Variants in DNAH5 observed in about 807,000 individuals in gnomAD.
DNAH5 encodes the protein dynein axonemal heavy chain 5, also known as axonemal beta dynein heavy chain 5.
In DNAH5, 372 loss-of-function variants were observed where a neutral mutation model predicts 518.2. The observed-to-expected ratio is 0.72, with a 90% CI of 0.66 to 0.78. DNAH5 has a LOEUF of 0.78. Among genes scored for constraint, DNAH5 ranks in the 30% least tolerant of loss-of-function variants. DNAH5 has a pLI of 0.00. For missense variants in DNAH5, 5,523 were observed against 5,687.0 expected (o/e 0.97, Z 0.93); for synonymous variants, 2,039 against 2,025.9 (o/e 1.01, Z -0.17).
intron 75 of DNAH5, among the ~76,000 whole-genome samples, chr5:13,709,978 AG>A (rs1183740133): frequency 2.6e-5 from 4 of 152,124 alleles, no homozygotes; most frequent in Admixed American, 6.5e-5. Flanking sequence ...CTCTCTGGAA[AG>A]CACCACCTCC....
At chr5:13,955,274 T>C (rs2152040152) in intron 1 of DNAH5, among the ~76,000 whole-genome samples, 1 of 152,296 alleles carries the variant, frequency 6.6e-6, no homozygotes, top group Admixed American at 6.5e-5. Context: ...TCTGCCATGA[T>C]TGTAAGTTTC....
At chr5:13,893,177 T>G (rs986270076) in intron 16 of DNAH5, among the ~76,000 whole-genome samples, 1 of 152,192 alleles carries the variant, frequency 6.6e-6, no homozygotes, top group Admixed American at 6.5e-5. Context: ...ACAATTTACA[T>G]TATAAATGGA....
intron 3 of DNAH5, among the ~76,000 whole-genome samples, chr5:13,927,079 A>T (rs1378121236): frequency 3.9e-5 from 6 of 152,100 alleles, no homozygotes; most frequent in Admixed American, 1.3e-4. Flanking sequence ...TGTATATAAT[A>T]TTTTAATATA....
intron 1 of DNAH5, among the ~76,000 whole-genome samples, chr5:13,960,700 C>T (rs936990276): frequency 6.6e-6 from 1 of 152,230 alleles, no homozygotes; most frequent in Non-Finnish European, 1.5e-5. Flanking sequence ...CTGGCCAAGG[C>T]ACAGCCCGGC....
intron 1 of DNAH5, among the ~76,000 whole-genome samples, chr5:13,979,998 C>A (rs1234399340): frequency 6.6e-6 from 1 of 152,038 alleles, no homozygotes; most frequent in East Asian, 1.9e-4. Flanking sequence ...CACCACCACA[C>A]CTGGCTAATT....
chr5:13,712,862 A>C (rs1743685746), intron 75 of DNAH5, among the ~76,000 whole-genome samples: 1 of 152,164 alleles, frequency 6.6e-6, no homozygotes, highest in African/African-American at 2.4e-5. Flanking sequence ...GAACACTTCC[A>C]CACTGCTGGT....
At chr5:13,987,793 G>A (rs533232102) in intron 1 of DNAH5, among the ~76,000 whole-genome samples, 15 of 151,644 alleles carry the variant, frequency 9.9e-5, no homozygotes, top group African/African-American at 3.6e-4. Flanking sequence ...GGTGGAGATT[G>A]CAGCAAGCCA....
intron 12 of DNAH5, 139 bp from the exon 13 acceptor site, chr5:13,902,277 G>T: frequency 1.5e-6 from 1 of 672,772 alleles, no homozygotes; most frequent in Non-Finnish European, 2.5e-6. Flanking sequence ...GAGCTTAAAA[G>T]AAAAATAAAT....
At chr5:13,865,032 C>G (rs1354328922) in intron 27 of DNAH5, among the ~76,000 whole-genome samples, 2 of 116,456 alleles carry the variant, frequency 1.7e-5, no homozygotes, top group Non-Finnish European at 3.4e-5. Flanking sequence ...TTTTTTGAGA[C>G]GGAGTATAGC....
In DNAH5 at chr5:14,002,133, G is replaced by A. The variant is rs186699204; in HGVS notation, c.12+9515C>T. Among the ~76,000 whole-genome samples the A allele has an allele frequency of 1.7e-3, 254 of 148,582 alleles. 2 individuals are homozygous for A. In the East Asian group the frequency reaches 0.026, roughly 15 times the overall value. ...AGGATGGTCTCAATCTCCTGACCTC[G>A]TGATCCGCCTGCATCGGCCTCCCAA... On this transcript the variant is annotated intron_variant, in intron 1 of 78. Coordinates refer to the DNAH5 transcript ENST00000681290.
At chr5:13,778,595 A>AG (rs1491392267) in intron 53 of DNAH5, among the ~76,000 whole-genome samples, 2,712 of 66,760 alleles carry the variant, frequency 0.041, 105 homozygotes, top group Middle Eastern at 0.071. Context: ...AGAAAGAAAG[A>AG]AAGAGAGAGA....
intron 24 of DNAH5, among the ~76,000 whole-genome samples, chr5:13,868,702 T>A (rs1181647114): frequency 1.3e-5 from 2 of 152,188 alleles, no homozygotes; most frequent in Non-Finnish European, 2.9e-5. Flanking sequence ...TGCCTTTCTC[T>A]CTCTTCCCTC....
intron 7 of DNAH5, among the ~76,000 whole-genome samples, chr5:13,917,778 ATTGACTTCAC>A (rs1776803520): frequency 6.6e-6 from 1 of 152,216 alleles, no homozygotes; most frequent in Non-Finnish European, 1.5e-5. Flanking sequence ...AGTACATTCC[ATTGACTTCAC>A]GGAAGTCTGA....
chr5:13,810,034 C>T (rs755881964), intron 45 of DNAH5, 25 bp downstream of exon 45: 1 of 1,548,894 alleles, frequency 6.5e-7, no homozygotes, highest in Non-Finnish European at 8.7e-7. Flanking sequence ...CCATGGGTTC[C>T]GTCTGGACGG....
intron 29 of DNAH5, among the ~76,000 whole-genome samples, chr5:13,861,952 C>CAAAAAAAAAAAAAAAAAAAAAAAAA (rs59674964): frequency 2.0e-5 from 1 of 49,514 alleles, no homozygotes; most frequent in African/African-American, 9.9e-5. Context: ...GATTCCATCT[C>CAAAAAAAAAAAAAAAAAAAAAAAAA]AAAAAAAAAA....
intron 35 of DNAH5, among the ~76,000 whole-genome samples, chr5:13,836,301 A>C (rs1472803878): frequency 6.6e-6 from 1 of 152,176 alleles, no homozygotes; most frequent in Non-Finnish European, 1.5e-5. Context: ...TTTGGGAGAG[A>C]AGCCCTGGTT....
chr5:13,727,280 T>C (rs1046006477), intron 70 of DNAH5, among the ~76,000 whole-genome samples: 7 of 152,334 alleles, frequency 4.6e-5, no homozygotes, highest in Non-Finnish European at 1.0e-4. Context: ...TTTACTCCTA[T>C]TGTAGCCATA....
chr5:13,915,576 T>C (rs1343124697), intron 9 of DNAH5, among the ~76,000 whole-genome samples: 1 of 152,106 alleles, frequency 6.6e-6, no homozygotes, highest in Non-Finnish European at 1.5e-5. Flanking sequence ...CCTGTCTACC[T>C]GAACTACCTA....
At chr5:13,938,868 T>C (rs1779205637) in intron 1 of DNAH5, among the ~76,000 whole-genome samples, 1 of 152,228 alleles carries the variant, frequency 6.6e-6, no homozygotes, top group Non-Finnish European at 1.5e-5. Context: ...TCACTTTATT[T>C]CATCTTCCCC....
Sources: allele counts gnomAD v4.1 joint callset (sites outside exome capture counted in the v4.1 genomes callset), GRCh38; gene constraint gnomAD v4.1.1; transcripts MANE v1.5; gene names NCBI Gene and HGNC (gene_info 2026-07-23, HGNC 2026-07-21).